ZNF473: variants seen among roughly 807,000 people sequenced by gnomAD.
ZNF473 encodes zinc finger protein 100 homolog.
A neutral mutation model predicts 11.1 loss-of-function variants in ZNF473; 4 were observed. That is an observed-to-expected ratio of 0.36 (90% CI 0.18 to 0.82). ZNF473 has a LOEUF of 0.82. ZNF473 is among the 40% of genes least tolerant of loss of function. ZNF473 has a pLI of 0.49. For synonymous variants in ZNF473, 404 were observed against 390.4 expected (o/e 1.03, Z -0.41); for missense variants, 854 against 1,084.0 (o/e 0.79, Z 2.98).
chr19:50,043,482 G>C (rs1443807330), intron 4 of ZNF473: 1 of 148,026 alleles, frequency 6.8e-6, no homozygotes, highest in East Asian at 2.0e-4. Context: ...TATAGTCAGA[G>C]GGGTTCAAAT....
chr19:50,037,027 G>A (rs1248910427), intron 2 of ZNF473, among the ~76,000 whole-genome samples: 1 of 152,202 alleles, frequency 6.6e-6, no homozygotes, highest in Non-Finnish European at 1.5e-5. Context: ...GCAGTTCAGT[G>A]ACTCACTGCA....
At chr19:50,030,370 T>C (rs1228172670) in intron 1 of ZNF473, among the ~76,000 whole-genome samples, 3 of 152,142 alleles carry the variant, frequency 2.0e-5, no homozygotes, top group Non-Finnish European at 4.4e-5. Flanking sequence ...TAGCTGGATG[T>C]GGTGGCACAT....
At chr19:50,028,190 C>T (rs2077297490) in intron 1 of ZNF473, among the ~76,000 whole-genome samples, 1 of 150,464 alleles carries the variant, frequency 6.6e-6, no homozygotes, top group South Asian at 2.1e-4. Context: ...CCCAGCTACT[C>T]AGGAGGCTGA....
At chr19:50,031,165 G>C in intron 2 of ZNF473, 74 bp downstream of exon 2, 1 of 1,543,664 alleles carries the variant, frequency 6.5e-7, no homozygotes, top group Non-Finnish European at 8.8e-7. Flanking sequence ...TGTGGCCGAG[G>C]CGAGTTGAAG....
At chr19:50,043,552 T>C (rs975851694) in intron 4 of ZNF473, 7 of 150,786 alleles carry the variant, frequency 4.6e-5, no homozygotes, top group African/African-American at 1.7e-4. Context: ...TTACAGGAGG[T>C]TGTCGAGTGT....
chr19:50,030,669 G>T (rs948268855), intron 1 of ZNF473, among the ~76,000 whole-genome samples: 1 of 152,190 alleles, frequency 6.6e-6, no homozygotes, highest in Non-Finnish European at 1.5e-5. Context: ...CACCTACTGC[G>T]TACTAGGCAC....
chr19:50,044,034 G>C (rs1043814081), intron 4 of ZNF473, among the ~76,000 whole-genome samples: 3 of 152,130 alleles, frequency 2.0e-5, no homozygotes, highest in African/African-American at 7.2e-5. Context: ...AGCCATGGAA[G>C]GGTTTAATCA....
chr19:50,026,843 G>C (rs963385990), intron 1 of ZNF473, among the ~76,000 whole-genome samples: 2 of 152,266 alleles, frequency 1.3e-5, no homozygotes, highest in South Asian at 4.1e-4. Context: ...AGGCCTCCCT[G>C]ATGGCCCTGA....
chr19:50,041,643 AAGTC>A (rs1978774773), intron 3 of ZNF473, 83 bp from the exon 4 acceptor site: 4 of 1,190,602 alleles, frequency 3.4e-6, no homozygotes, highest in Non-Finnish European at 4.7e-6. Flanking sequence ...AAGCATAGAA[AAGTC>A]AGGAGAGCCA....
intron 3 of ZNF473, chr19:50,041,520 T>G: frequency 2.6e-6 from 1 of 388,802 alleles, no homozygotes; most frequent in Non-Finnish European, 4.7e-6. Context: ...TCACCCTGGA[T>G]TGTGATTGTT....
rs902888216 is a variant in ZNF473, at chr19:50,039,492, C to T, written c.136+205C>T. Among the ~76,000 whole-genome samples the T allele has an allele frequency of 2.6e-5, 4 of 152,276 alleles. No individual in the cohort carries two copies. The highest frequency in any genetic ancestry group is 2.9e-5 in the Non-Finnish European group (2 of 68,048). ...TACTCCTTGGGCCAGCGCAGCGTGCCGCTAGCATCTAGCTGGTGGAACCAA... is the reference window on the plus strand; with the variant it reads ...TACTCCTTGGGCCAGCGCAGCGTGCTGCTAGCATCTAGCTGGTGGAACCAA... On this transcript the variant is annotated intron_variant, in intron 3 of 4. Transcript: ENST00000270617. This position sits in a 1 kb window ranked among gnomAD's most constrained non-coding sequence, Gnocchi z 4.8.
chr19:50,030,763 T>C, intron 1 of ZNF473, 129 bp from the exon 2 acceptor site: 3 of 453,702 alleles, frequency 6.6e-6, no homozygotes, highest in South Asian at 4.6e-5. Flanking sequence ...CTCCTAAACA[T>C]GTGCTGACTG....
chr19:50,042,934 G>A (rs1978857930), intron 4 of ZNF473: 1 of 152,258 alleles, frequency 6.6e-6, no homozygotes, highest in Non-Finnish European at 1.5e-5. Flanking sequence ...GGTTTCAGAA[G>A]GCTTTCATTT....
chr19:50,047,871 A>G lies in ZNF473; in HGVS notation c.*812A>G, dbSNP rs1316247070. 6.6e-6 allele frequency: 1 copy of G among 152,258 alleles called. No homozygotes were observed. The highest frequency in any genetic ancestry group is 1.5e-5 in the Non-Finnish European group (1 of 68,054). The allele number at this position is 152,258 out of a possible 1,614,324, so 9.4% of individuals were successfully genotyped here. A position where few individuals can be genotyped will look rare whatever the true frequency, so the allele number is the denominator to read the frequency against. On this transcript the variant is annotated 3_prime_UTR_variant, in exon 5 of 5. Transcript: ENST00000270617. ...TTCATGGGAGTTGACACCAAAACAC[A>G]GCTGGATTCCATCAGGAAAGCTGCA...
In ZNF473 at chr19:50,044,735, A is replaced by C. The variant is rs1466982859; in HGVS notation, c.292A>C (p.Ile98Leu). The C allele has an allele frequency of 6.2e-7, 1 of 1,614,118 alleles. No individual in the cohort carries two copies. The highest frequency in any genetic ancestry group is 2.2e-5 in the East Asian group (1 of 44,882). Reference protein sequence around the residue: ...DFFEEGFSQEIIEMLSKDGFW... With the variant: ...DFFEEGFSQELIEMLSKDGFW... ...CTTCGAAGAAGGATTCTCCCAGGAGATTATAGAGATGTTATCCAAGGATGG... is the reference window on the plus strand; with the variant it reads ...CTTCGAAGAAGGATTCTCCCAGGAGCTTATAGAGATGTTATCCAAGGATGG... The change falls in exon 5 of 5, where the codon ATT (isoleucine) becomes CTT (leucine). Residue 98 changes from isoleucine to leucine, a missense_variant. This residue lies in a region of ZNF473 where 668 missense variants were observed against 790.2 expected (regional missense o/e 0.85). Coordinates refer to ENST00000270617, the MANE Select transcript of ZNF473 (RefSeq NM_015428.4).
chr19:50,034,553 C>T (rs890632254), intron 2 of ZNF473, among the ~76,000 whole-genome samples: 1 of 152,090 alleles, frequency 6.6e-6, no homozygotes, highest in African/African-American at 2.4e-5. Flanking sequence ...TCATAGCCCT[C>T]TCGCATCCCC....
rs757448931 is a variant in ZNF473, at chr19:50,045,451, T to G, written c.1008T>G (p.Thr336=). The G allele has an allele frequency of 6.2e-7, 1 of 1,612,964 alleles. No homozygotes were observed. The highest frequency in any genetic ancestry group is 1.7e-5 in the Admixed American group (1 of 59,938). The change falls in exon 5 of 5, where the codon ACT becomes ACG. Residue 336 remains threonine (T), a synonymous_variant. Transcript: ENST00000270617. ...GKAFTRIFHL[T]RHQKIHTRKR... is the part of the protein sequence containing the mutation. ...CTTTTACCCGGATCTTCCACCTTAC[T>G]CGGCACCAGAAGATCCACACTCGGA... is the stretch of plus-strand genomic sequence containing the variant.
intron 1 of ZNF473, among the ~76,000 whole-genome samples, chr19:50,029,421 C>T (rs1046126824): frequency 6.6e-6 from 1 of 152,360 alleles, no homozygotes; most frequent in East Asian, 1.9e-4. Flanking sequence ...GCTGGGATTA[C>T]AGGCATGAGC....
chr19:50,039,849 G>A lies in ZNF473; in HGVS notation c.136+562G>A, dbSNP rs924530581. On this transcript the variant is annotated intron_variant, in intron 3 of 4. Coordinates refer to ENST00000270617, the MANE Select transcript of ZNF473 (RefSeq NM_015428.4). This position sits in a 1 kb window ranked among gnomAD's most constrained non-coding sequence, Gnocchi z 4.8. ...TAACTACCATTGTATCATTCAGAGC[G>A]GGAGCTGTGTGAGGACAGGGCGTGT... is the stretch of plus-strand genomic sequence containing the variant. Among the ~76,000 whole-genome samples the A allele has an allele frequency of 6.6e-6, 1 of 152,180 alleles. No individual in the cohort carries two copies. Among genetic ancestry groups the A allele is most frequent in the Non-Finnish European group, 1.5e-5 (1 of 68,038 alleles).
Sources: allele counts gnomAD v4.1 joint callset (sites outside exome capture counted in the v4.1 genomes callset), GRCh38; gene constraint gnomAD v4.1.1; regional missense constraint gnomAD v4.1.1; non-coding constraint Gnocchi (gnomAD v3.1); transcripts MANE v1.5; gene names NCBI Gene and HGNC (gene_info 2026-07-23, HGNC 2026-07-21).